Variants in KIAA0319 observed in about 807,000 individuals in gnomAD.
KIAA0319 encodes dyslexia-associated protein KIAA0319.
KIAA0319 carries 83 observed loss-of-function variants against 108.4 expected under a neutral mutation model. The observed-to-expected ratio is 0.77, with a 90% CI of 0.64 to 0.92. KIAA0319 has a LOEUF of 0.92. KIAA0319 is among the 40% of genes least tolerant of loss of function. KIAA0319 has a pLI of 0.00. For synonymous variants in KIAA0319, 484 were observed against 510.4 expected, an observed-to-expected ratio of 0.95 and a Z score of 0.70; for missense variants, 1,195 against 1,322.4, an observed-to-expected ratio of 0.90 and a Z score of 1.49.
At chr6:24,614,457 G>A (rs1443283491) in intron 1 of KIAA0319, among the ~76,000 whole-genome samples, 2 of 152,020 alleles carry the variant, frequency 1.3e-5, no homozygotes, top group Admixed American at 6.6e-5. Context: ...CACCACAAGT[G>A]CAACTATGTA....
chr6:24,583,332 C>T (rs1766917939), intron 5 of KIAA0319: 18 of 752,082 alleles, frequency 2.4e-5, no homozygotes, highest in Non-Finnish European at 3.0e-5. Context: ...GCAGCCTCTC[C>T]TGATCTGCTT....
chr6:24,598,427 T>C, intron 2 of KIAA0319: 1 of 582,248 alleles, frequency 1.7e-6, no homozygotes, highest in Non-Finnish European at 3.3e-6. Context: ...CAGAAGACAG[T>C]TTGGATGAAT....
intron 20 of KIAA0319, among the ~76,000 whole-genome samples, chr6:24,549,448 C>A (rs144289049): frequency 1.3e-5 from 2 of 152,184 alleles, no homozygotes; most frequent in African/African-American, 4.8e-5. Flanking sequence ...TTTGCCTTCC[C>A]AGCCTCCAGA....
At chr6:24,615,718 C>A (rs1217880866) in intron 1 of KIAA0319, among the ~76,000 whole-genome samples, 5 of 152,194 alleles carry the variant, frequency 3.3e-5, no homozygotes, top group African/African-American at 1.2e-4. Flanking sequence ...GCTCTTCTTT[C>A]TGTTACTTGC....
intron 3 of KIAA0319, among the ~76,000 whole-genome samples, chr6:24,594,783 T>G (rs1769196359): frequency 6.6e-6 from 1 of 152,160 alleles, no homozygotes; most frequent in Non-Finnish European, 1.5e-5. Flanking sequence ...AGGAAAACTT[T>G]TCCTTTAAAA....
chr6:24,562,482 G>C, intron 16 of KIAA0319, among the ~76,000 whole-genome samples: 1 of 152,108 alleles, frequency 6.6e-6, no homozygotes, highest in East Asian at 1.9e-4. Context: ...GTGAATAGTG[G>C]GTTTTCATTC....
intron 4 of KIAA0319, among the ~76,000 whole-genome samples, chr6:24,583,934 A>G (rs895391850): frequency 2.6e-5 from 4 of 152,228 alleles, no homozygotes; most frequent in African/African-American, 9.6e-5. Context: ...CTGTGACAAA[A>G]ATAATGATTC....
chr6:24,560,929 C>T (rs1763022552), intron 16 of KIAA0319, among the ~76,000 whole-genome samples: 1 of 152,134 alleles, frequency 6.6e-6, no homozygotes, highest in Admixed American at 6.5e-5. Flanking sequence ...ATAATTCAAC[C>T]CACGGCAAGT....
intron 20 of KIAA0319, among the ~76,000 whole-genome samples, chr6:24,550,648 G>A (rs567086868): frequency 6.6e-6 from 1 of 152,306 alleles, no homozygotes; most frequent in Middle Eastern, 3.4e-3. Context: ...GCTGAAAAAT[G>A]TTAGGCTTTA....
intron 1 of KIAA0319, among the ~76,000 whole-genome samples, chr6:24,629,043 T>C (rs1250480196): frequency 6.6e-6 from 1 of 152,180 alleles, no homozygotes; most frequent in Non-Finnish European, 1.5e-5. Context: ...AAGAAAAGCT[T>C]CCTGAAATTT....
At chr6:24,618,289 G>A (rs568981375) in intron 1 of KIAA0319, among the ~76,000 whole-genome samples, 2 of 152,066 alleles carry the variant, frequency 1.3e-5, no homozygotes, top group Non-Finnish European at 2.9e-5. Context: ...ACCCCAGAGA[G>A]AACCTAGACA....
chr6:24,618,886 C>A (rs993446227), intron 1 of KIAA0319, among the ~76,000 whole-genome samples: 1 of 152,020 alleles, frequency 6.6e-6, no homozygotes, highest in African/African-American at 2.4e-5. Flanking sequence ...ATTAAAAGCT[C>A]AATGGATGGG....
At chr6:24,609,242 T>C in intron 1 of KIAA0319, among the ~76,000 whole-genome samples, 1 of 123,200 alleles carries the variant, frequency 8.1e-6, no homozygotes, top group African/African-American at 3.2e-5. Flanking sequence ...CACTCCAGCC[T>C]GGGTGACAGA....
intron 1 of KIAA0319, among the ~76,000 whole-genome samples, chr6:24,644,241 G>A (rs573174301): frequency 1.4e-5 from 1 of 73,788 alleles, no homozygotes; most frequent in East Asian, 8.3e-4. Context: ...TCCTGGACAG[G>A]GGAGAGGGGG....
Position 24,563,325 on chromosome 6 carries a change from G to T in KIAA0319, c.2591+34C>A, listed in dbSNP as rs771377926. On this transcript the variant is annotated intron_variant, in intron 16 of 20. Transcript: ENST00000378214. ...TGAGGTAAGAGCTGGAATTTTGTAC[G>T]GCCAAGGCCCCGCCTTGAGTGTGCA... is the stretch of plus-strand genomic sequence containing the variant. The T allele has an allele frequency of 1.9e-6, 3 of 1,584,200 alleles. No individual in the cohort carries two copies. In the East Asian group the frequency reaches 6.8e-5, roughly 36 times the overall value.
Position 24,546,799 on chromosome 6 carries a change from A to G in KIAA0319, c.*366T>C, listed in dbSNP as rs811100. 184,621 of 190,756 alleles carry G rather than the reference A, an allele frequency of 0.97. 89,410 individuals are homozygous for G. Among genetic ancestry groups the G allele is most frequent in the East Asian group, 1 (8,028 of 8,064 alleles). The allele number at this position is 190,756 out of a possible 1,614,324, so 11.8% of individuals were successfully genotyped here. ...GCTGTTCCTTAGAGGCAATCACAGC[A>G]GCTAAGACAGAAATCATCCCTTTTT... On this transcript the variant is annotated 3_prime_UTR_variant, in exon 21 of 21. Coordinates refer to ENST00000378214, the MANE Select transcript of KIAA0319 (RefSeq NM_014809.4).
chr6:24,548,035 GA>G (rs936641996), intron 20 of KIAA0319, among the ~76,000 whole-genome samples: 2 of 151,300 alleles, frequency 1.3e-5, no homozygotes, highest in Non-Finnish European at 2.9e-5. Flanking sequence ...CCTGTCTCGG[GA>G]AAAAAAACAA....
rs891120867 is a variant in KIAA0319, at chr6:24,622,490, G to C, written c.-105-21282C>G. Among the ~76,000 whole-genome samples the C allele has an allele frequency of 4.6e-5, 7 of 152,032 alleles. No homozygotes were observed. In the East Asian group the frequency reaches 1.2e-3, roughly 25 times the overall value. On this transcript the variant is annotated intron_variant, in intron 1 of 20. Coordinates refer to ENST00000378214, the MANE Select transcript of KIAA0319 (RefSeq NM_014809.4). Reference sequence around the variant, plus strand: ...TGCCTCCATAAAACAAAAATAGGCTGCTACAAATGAGGGGCAAAAATCAGA... The same window carrying C: ...TGCCTCCATAAAACAAAAATAGGCTCCTACAAATGAGGGGCAAAAATCAGA...
chr6:24,566,258 T>C (rs556893094), intron 14 of KIAA0319, among the ~76,000 whole-genome samples: 2 of 152,228 alleles, frequency 1.3e-5, no homozygotes, highest in South Asian at 4.1e-4. Context: ...TTAAGGTTAA[T>C]TGAGGTCATA....
Sources: gnomAD v4.1 joint callset for allele counts (sites outside exome capture counted in the v4.1 genomes callset) on GRCh38, gnomAD v4.1.1 for gene constraint, MANE v1.5 for transcripts, NCBI Gene and HGNC (gene_info 2026-07-23, HGNC 2026-07-21) for gene names.